Variants in COL27A1 observed in about 807,000 individuals in gnomAD.
The protein encoded by COL27A1 is collagen type XXVII alpha 1 chain, also known as collagen alpha-1(XXVII) chain.
COL27A1 carries 106 observed loss-of-function variants against 251.3 expected under a neutral mutation model. That is an observed-to-expected ratio of 0.42 (90% CI 0.36 to 0.50). The LOEUF is 0.50. COL27A1 is among the 20% of genes least tolerant of loss of function. The pLI, the probability that COL27A1 is intolerant of heterozygous loss-of-function variation, is 0.00. For missense variants in COL27A1, 2,325 were observed against 2,522.8 expected (o/e 0.92, Z 1.68); for synonymous variants, 1,000 against 986.3 (o/e 1.01, Z -0.26).
Position 114,167,718 on chromosome 9 carries a change from A to G in COL27A1, c.163A>G (p.Ser55Gly), listed in dbSNP as rs1237204769. Residue 55 changes from serine (S) to glycine (G), a missense_variant, in exon 3 of 61, where the codon AGC becomes GGC. Ser to Gly is a moderately conservative substitution (Grantham distance 56). Around this residue, in one of 4 missense-constraint regions of COL27A1, gnomAD observed 1,183 missense variants for 1,144.1 expected, o/e 1.03. Transcript: ENST00000356083. ...DVDILQRLGL[S>G]WTKAGSPAPP... Reference sequence around the variant, plus strand: ...GGACATCCTCCAGCGGCTGGGCCTCAGCTGGACGAAGGCCGGGAGCCCTGC... The same window carrying G: ...GGACATCCTCCAGCGGCTGGGCCTCGGCTGGACGAAGGCCGGGAGCCCTGC... 6.2e-7 allele frequency: 1 copy of G among 1,613,232 alleles called. No homozygotes were observed. The highest frequency in any genetic ancestry group is 1.7e-5 in the Admixed American group (1 of 60,004).
chr9:114,215,162 G>A (rs1830639485), intron 12 of COL27A1, among the ~76,000 whole-genome samples: 2 of 152,256 alleles, frequency 1.3e-5, no homozygotes, highest in Non-Finnish European at 2.9e-5. Context: ...ACTCCCTGGG[G>A]TGTGGTTCAG....
Position 114,201,892 on chromosome 9 carries a change from T to C in COL27A1, c.2125-3210T>C, listed in dbSNP as rs181148443. Reference sequence around the variant, plus strand: ...GCCTCAATGAGCATGTTTCATCCCATGCTTTTTGATGGCTAAGGATGCGGG... The same window carrying C: ...GCCTCAATGAGCATGTTTCATCCCACGCTTTTTGATGGCTAAGGATGCGGG... On this transcript the variant is annotated intron_variant, in intron 7 of 60. Coordinates refer to ENST00000356083, the MANE Select transcript of COL27A1 (RefSeq NM_032888.4). Among the ~76,000 whole-genome samples the C allele has an allele frequency of 2.3e-4, 35 of 152,328 alleles. 2 individuals carry two copies. The highest frequency in any genetic ancestry group is 2.0e-3 in the Admixed American group (30 of 15,302).
chr9:114,303,242 C>A (rs371655244), intron 56 of COL27A1, among the ~76,000 whole-genome samples: 1 of 132,208 alleles, frequency 7.6e-6, no homozygotes, highest in African/African-American at 2.7e-5. Flanking sequence ...TTTTTCTTTT[C>A]TTTTTTTTTT....
At chr9:114,293,918 T>C (rs1828085099) in intron 49 of COL27A1, among the ~76,000 whole-genome samples, 1 of 152,148 alleles carries the variant, frequency 6.6e-6, no homozygotes, top group South Asian at 2.1e-4. Context: ...ATGGCTTCAC[T>C]GGTAAATGCT....
In COL27A1 at chr9:114,236,983, G is replaced by T. The variant is rs752780701; in HGVS notation, c.2622G>T (p.Gly874=). 9.3e-5 allele frequency: 150 copies of T among 1,613,350 alleles called. 1 individual carries two copies. In the South Asian group the frequency reaches 1.5e-3, roughly 16 times the overall value. The change falls in exon 18 of 61, where the codon GGG becomes GGT. Residue 874 remains glycine, a splice_region_variant and synonymous_variant. Transcript: ENST00000356083. ...AGCCTGCTCTGGATCTCTTCCAGGG[G>T]AGCCAGGGGTTGCCAGGGTTCCCCG... The part of the protein sequence containing the change: ...SGDPGFQGDK[G]SQGLPGFPGA...
chr9:114,166,819 T>C (rs75015822), intron 2 of COL27A1, among the ~76,000 whole-genome samples: 2,437 of 152,304 alleles, frequency 0.016, 32 homozygotes, highest in Non-Finnish European at 0.023. Context: ...GACATAATTA[T>C]TGGGCGGATG....
chr9:114,194,757 G>A (rs1828989570), intron 6 of COL27A1, among the ~76,000 whole-genome samples: 2 of 152,310 alleles, frequency 1.3e-5, no homozygotes, highest in African/African-American at 4.8e-5. Context: ...CTAATGTCCT[G>A]CATGGCTTTC....
chr9:114,156,078 G>A, intron 1 of COL27A1, 66 bp downstream of exon 1: 1 of 1,291,748 alleles, frequency 7.7e-7, no homozygotes, highest in Non-Finnish European at 9.8e-7. Context: ...GGAGGGCCGG[G>A]GTTCCCCGCC....
chr9:114,245,755 C>T (rs1328134243), intron 23 of COL27A1, 111 bp from the exon 24 acceptor site: 3 of 988,320 alleles, frequency 3.0e-6, no homozygotes, highest in East Asian at 4.8e-5. Context: ...AGATAAGATC[C>T]CTGGTTCATC....
chr9:114,285,338 GC>G (rs888036692), intron 41 of COL27A1, among the ~76,000 whole-genome samples: 4 of 152,192 alleles, frequency 2.6e-5, no homozygotes, highest in African/African-American at 9.6e-5. Context: ...CCTGGACCCT[GC>G]CCCCCCATGC....
intron 37 of COL27A1, among the ~76,000 whole-genome samples, chr9:114,277,693 C>T (rs375905142): frequency 7.9e-5 from 12 of 152,244 alleles, no homozygotes; most frequent in African/African-American, 1.7e-4. Flanking sequence ...GACTCAGCGG[C>T]GGGGAAGTAG....
intron 56 of COL27A1, among the ~76,000 whole-genome samples, 157 bp downstream of exon 56, chr9:114,302,265 C>T (rs892584399): frequency 4.6e-5 from 7 of 152,108 alleles, no homozygotes; most frequent in African/African-American, 1.4e-4. Context: ...GACTTGGACC[C>T]GGAAGCAACA....
chr9:114,269,510 G>A (rs575596138), intron 35 of COL27A1, among the ~76,000 whole-genome samples: 4 of 151,576 alleles, frequency 2.6e-5, no homozygotes, highest in Admixed American at 6.6e-5. Flanking sequence ...AGCTACTCGG[G>A]GGGCTGAGGC....
chr9:114,289,791 T>G (rs1588880012), intron 45 of COL27A1, among the ~76,000 whole-genome samples: 1 of 151,920 alleles, frequency 6.6e-6, no homozygotes, highest in Admixed American at 6.5e-5. Context: ...CTCTAAAAGA[T>G]CCAGTGGAAC....
At chr9:114,274,415 C>A (rs891564567) in intron 36 of COL27A1, among the ~76,000 whole-genome samples, 8 of 152,286 alleles carry the variant, frequency 5.3e-5, no homozygotes, top group African/African-American at 1.7e-4. Context: ...CTGGGCCAGA[C>A]CACTTGATTT....
rs1387869492 is a variant in COL27A1, at chr9:114,229,897, G to A, written c.2467-1182G>A. On this transcript the variant is annotated intron_variant, in intron 14 of 60. Coordinates refer to ENST00000356083, the MANE Select transcript of COL27A1 (RefSeq NM_032888.4). The stretch of plus-strand genomic sequence containing the variant: ...TTTGGGCTGGATGGTTATTCGTGGC[G>A]GGGGCTGTTCTGTGCACTGCAGCAT... Among the ~76,000 whole-genome samples the A allele has an allele frequency of 4.6e-5, 7 of 152,232 alleles. No homozygotes were observed. In the South Asian group the frequency reaches 1.2e-3, roughly 27 times the overall value.
At chr9:114,257,444 C>T (rs1834001597) in intron 27 of COL27A1, among the ~76,000 whole-genome samples, 1 of 152,120 alleles carries the variant, frequency 6.6e-6, no homozygotes, top group Admixed American at 6.5e-5. Context: ...CACCCTCTGC[C>T]CTCTTCAGTT....
rs1469619164 is a variant in COL27A1, at chr9:114,269,273, G to A, written c.3534G>A (p.Glu1178=). The A allele has an allele frequency of 3.7e-6, 6 of 1,608,304 alleles. No homozygotes were observed. In the Admixed American group the frequency reaches 1.0e-4, roughly 27 times the overall value. Residue 1178 remains glutamate (E), a synonymous_variant, in exon 35 of 61, where the codon GAG becomes GAA. Transcript: ENST00000356083. ...TTGGACCCCTGGGCACTCCTGGGGA[G>A]CAGGGCCTCATTGGGCAACGGGTAA... The part of the protein sequence containing the change: ...GDLGPLGTPG[E]QGLIGQRGEP...
intron 19 of COL27A1, among the ~76,000 whole-genome samples, chr9:114,239,761 G>A (rs1263772259): frequency 6.6e-6 from 1 of 152,238 alleles, no homozygotes; most frequent in African/African-American, 2.4e-5. Flanking sequence ...GACTGGAGCT[G>A]AGGTTAATTA....
Sources: gnomAD v4.1 joint callset for allele counts (sites outside exome capture counted in the v4.1 genomes callset) on GRCh38, gnomAD v4.1.1 for gene constraint, gnomAD v4.1.1 regional missense constraint, MANE v1.5 for transcripts, NCBI Gene and HGNC (gene_info 2026-07-23, HGNC 2026-07-21) for gene names.